The following PCDH9 variants were observed in gnomAD, a reference collection of about 807,000 sequenced individuals.
PCDH9 encodes protocadherin-9.
In PCDH9, 24 loss-of-function variants were observed where a neutral mutation model predicts 70.6. The ratio of observed to expected loss-of-function variants is 0.34; its 90% confidence interval spans 0.25 to 0.48. The LOEUF (loss-of-function observed/expected upper bound fraction) is 0.48. Ranked by LOEUF, PCDH9 falls within the 20% of genes least tolerant of loss-of-function variation. The probability of loss-of-function intolerance (pLI) is 0.99; values close to 1 mark genes in which losing one functional copy is unlikely to be tolerated. For synonymous variants in PCDH9, 562 were observed against 558.5 expected (o/e 1.01, Z -0.09); for missense variants, 1,281 against 1,503.6 (o/e 0.85, Z 2.45).
chr13:66,331,125 G>A (rs1212345790), intron 4 of PCDH9, among the ~76,000 whole-genome samples: 2 of 152,132 alleles, frequency 1.3e-5, no homozygotes, highest in East Asian at 1.9e-4. Flanking sequence ...CTGTGTGTAT[G>A]TGCGTGTGTT....
At chr13:67,122,405 A>G (rs1423966850) in intron 2 of PCDH9, among the ~76,000 whole-genome samples, 2 of 152,116 alleles carry the variant, frequency 1.3e-5, no homozygotes, top group Non-Finnish European at 2.9e-5. Context: ...TTCTAGTTCA[A>G]AAACCTCATG....
intron 4 of PCDH9, among the ~76,000 whole-genome samples, chr13:66,469,135 T>C (rs1958568710): frequency 6.6e-6 from 1 of 152,158 alleles, no homozygotes; most frequent in Non-Finnish European, 1.5e-5. Context: ...GAGACTGAAC[T>C]GTATCCATTG....
intron 3 of PCDH9, among the ~76,000 whole-genome samples, chr13:66,732,701 A>C (rs955363335): frequency 2.6e-5 from 4 of 152,058 alleles, no homozygotes; most frequent in Non-Finnish European, 4.4e-5. Context: ...TGTTCATGTA[A>C]GGCTCATTGA....
intron 4 of PCDH9, among the ~76,000 whole-genome samples, chr13:66,509,661 C>T (rs74095253): frequency 0.016 from 2,367 of 152,136 alleles, 76 homozygotes; most frequent in African/African-American, 0.055. Flanking sequence ...TTATGTTGTT[C>T]AGGCTTGTCT....
At chr13:67,066,083 C>CA (rs2085641498) in intron 2 of PCDH9, among the ~76,000 whole-genome samples, 1 of 151,954 alleles carries the variant, frequency 6.6e-6, no homozygotes, top group African/African-American at 2.4e-5. Context: ...ATTTAGTTTT[C>CA]AAAAATGATA....
intron 2 of PCDH9, among the ~76,000 whole-genome samples, chr13:67,060,922 A>G (rs2085527240): frequency 6.6e-6 from 1 of 152,128 alleles, no homozygotes; most frequent in African/African-American, 2.4e-5. Context: ...ATCTTTGTGA[A>G]GGAAGTAAGA....
chr13:66,936,820 G>A (rs1037929603), intron 2 of PCDH9, among the ~76,000 whole-genome samples: 6 of 152,126 alleles, frequency 3.9e-5, no homozygotes, highest in Admixed American at 2.6e-4. Context: ...AACAGTCCCC[G>A]TAAAATGGGG....
chr13:66,765,551 A>G lies in PCDH9; in HGVS notation c.3139-134140T>C, dbSNP rs184390527. Among the ~76,000 whole-genome samples the G allele has an allele frequency of 2.4e-4, 36 of 152,116 alleles. No individual in the cohort carries two copies. The East Asian group carries it at 6.9e-3, about 29-fold the overall frequency. On this transcript the variant is annotated intron_variant, in intron 3 of 4. Coordinates refer to ENST00000377865, the MANE Select transcript of PCDH9 (RefSeq NM_203487.3). ...TGGTTGAGGTTAATTTTTGTTTTGC[A>G]TGTGATGTTCTTCATGGTTATTCAC...
Position 67,185,379 on chromosome 13 carries a change from A to G in PCDH9, c.3036+40026T>C, listed in dbSNP as rs979172992. The stretch of plus-strand genomic sequence containing the variant: ...CTTTGCACAGAATTTAATAAAATGC[A>G]TTAATATTGTACTATGCTGTAACAA... On this transcript the variant is annotated intron_variant, in intron 2 of 4. Transcript: ENST00000377865. 9.2e-5 allele frequency among the ~76,000 whole-genome samples: 14 copies of G among 152,220 alleles called. No individual in the cohort carries two copies. The East Asian group carries it at 2.7e-3, about 29-fold the overall frequency.
At chr13:66,522,453 AT>A (rs1196551175) in intron 4 of PCDH9, among the ~76,000 whole-genome samples, 3 of 152,094 alleles carry the variant, frequency 2.0e-5, no homozygotes, top group Non-Finnish European at 4.4e-5. Flanking sequence ...AATTACAACA[AT>A]TTTTTTGAAA....
intron 4 of PCDH9, among the ~76,000 whole-genome samples, chr13:66,503,773 A>T (rs958007384): frequency 1.3e-5 from 2 of 152,146 alleles, no homozygotes; most frequent in African/African-American, 4.8e-5. Flanking sequence ...TTTTGTGGGT[A>T]CTTCTTTTTT....
intron 3 of PCDH9, among the ~76,000 whole-genome samples, chr13:66,747,766 C>A (rs2079394483): frequency 6.6e-6 from 1 of 152,076 alleles, no homozygotes. Flanking sequence ...GACATAAATT[C>A]ACTGAAGCAC....
intron 3 of PCDH9, among the ~76,000 whole-genome samples, chr13:66,867,483 A>T (rs1451935438): frequency 6.6e-6 from 1 of 152,158 alleles, no homozygotes; most frequent in Non-Finnish European, 1.5e-5. Context: ...TAATATTTTC[A>T]TATGAATGAT....
intron 3 of PCDH9, among the ~76,000 whole-genome samples, chr13:66,852,359 T>C (rs1448274758): frequency 6.6e-6 from 1 of 152,182 alleles, no homozygotes; most frequent in Non-Finnish European, 1.5e-5. Flanking sequence ...CTCAATCTGT[T>C]GATGTAAGCA....
At chr13:66,739,667 AC>A (rs1305058609) in intron 3 of PCDH9, among the ~76,000 whole-genome samples, 6 of 152,078 alleles carry the variant, frequency 3.9e-5, no homozygotes, top group South Asian at 2.1e-4. Context: ...CAAATGGAAA[AC>A]AAAAAAGGCA....
Position 67,082,094 on chromosome 13 carries a change from T to G in PCDH9, c.3036+143311A>C, listed in dbSNP as rs569847188. On this transcript the variant is annotated intron_variant, in intron 2 of 4. Coordinates refer to ENST00000377865, the MANE Select transcript of PCDH9 (RefSeq NM_203487.3). ...TTATTTATTATTATTACCATTATTA[T>G]TTGCATGTGATAAGAACATTTAAGA... Among the ~76,000 whole-genome samples, 4 of 152,310 alleles carry G rather than the reference T, an allele frequency of 2.6e-5. No individual in the cohort carries two copies. The East Asian group carries it at 5.8e-4, about 22-fold the overall frequency.
intron 4 of PCDH9, among the ~76,000 whole-genome samples, chr13:66,596,533 C>G (rs1055157733): frequency 1.3e-5 from 2 of 151,528 alleles, no homozygotes; most frequent in Non-Finnish European, 3.0e-5. Context: ...CTATATGTTA[C>G]ACATATTGCT....
At chr13:66,367,575 C>T (rs1333005124) in intron 4 of PCDH9, among the ~76,000 whole-genome samples, 1 of 151,936 alleles carries the variant, frequency 6.6e-6, no homozygotes, top group Non-Finnish European at 1.5e-5. Context: ...ATTCTGGGTT[C>T]AAAGGTGGCC....
chr13:66,874,703 A>G (rs2081765161), intron 3 of PCDH9, among the ~76,000 whole-genome samples: 1 of 152,176 alleles, frequency 6.6e-6, no homozygotes, highest in South Asian at 2.1e-4. Context: ...ACTTAGCATC[A>G]TTATTTTGGG....
Sources: gnomAD v4.1 joint callset for allele counts (sites outside exome capture counted in the v4.1 genomes callset) on GRCh38, gnomAD v4.1.1 for gene constraint, MANE v1.5 for transcripts, NCBI Gene and HGNC (gene_info 2026-07-23, HGNC 2026-07-21) for gene names.